CACNA2D1: variants seen among roughly 807,000 people sequenced by gnomAD.
The protein encoded by CACNA2D1 is calcium voltage-gated channel auxiliary subunit alpha2delta 1, also known as voltage-dependent calcium channel subunit alpha-2/delta-1.
Under a neutral mutation model 171.5 loss-of-function variants are expected in CACNA2D1, and 53 were observed. The observed-to-expected ratio is 0.31, with a 90% CI of 0.25 to 0.39. The LOEUF is 0.39. CACNA2D1 is among the 10% of genes least tolerant of loss of function. The pLI, the probability that CACNA2D1 is intolerant of heterozygous loss-of-function variation, is 1.00. For synonymous variants in CACNA2D1, 442 were observed against 443.1 expected (o/e 1.00, Z 0.03); for missense variants, 903 against 1,299.8 (o/e 0.69, Z 4.69).
At chr7:82,171,567 T>C (rs1796020253) in intron 3 of CACNA2D1, among the ~76,000 whole-genome samples, 1 of 152,102 alleles carries the variant, frequency 6.6e-6, no homozygotes, top group Non-Finnish European at 1.5e-5. Flanking sequence ...CATGGCTTAT[T>C]GGAAGGACTA....
intron 1 of CACNA2D1, among the ~76,000 whole-genome samples, chr7:82,363,220 G>A (rs1821276847): frequency 1.4e-5 from 2 of 143,332 alleles, no homozygotes; most frequent in African/African-American, 5.3e-5. Context: ...GTTATATATG[G>A]TCATCTGACT....
chr7:82,301,211 C>G (rs1259216448), intron 3 of CACNA2D1, among the ~76,000 whole-genome samples: 1 of 152,202 alleles, frequency 6.6e-6, no homozygotes, highest in Non-Finnish European at 1.5e-5. Context: ...ACCGCAAACT[C>G]TGCCTCCTGG....
intron 18 of CACNA2D1, among the ~76,000 whole-genome samples, chr7:82,004,637 G>A (rs1798944835): frequency 6.6e-6 from 1 of 152,020 alleles, no homozygotes; most frequent in Non-Finnish European, 1.5e-5. Flanking sequence ...GTAGTAGTAT[G>A]CATAAGTCTG....
intron 5 of CACNA2D1, among the ~76,000 whole-genome samples, chr7:82,119,999 T>C (rs1002410269): frequency 6.6e-6 from 1 of 152,026 alleles, no homozygotes; most frequent in Non-Finnish European, 1.5e-5. Flanking sequence ...CTGGACAACA[T>C]AGTGAGGCCC....
chr7:82,128,828 C>T (rs258693), intron 5 of CACNA2D1, among the ~76,000 whole-genome samples: 16,193 of 152,016 alleles, frequency 0.11, 1,104 homozygotes, highest in Middle Eastern at 0.24. Context: ...CTCCCCTGCC[C>T]CCACGTTCCC....
At position 82,133,810 on chromosome 7, in the gene CACNA2D1, C is replaced by G. The variant is rs138428075; in HGVS notation, c.396+2825G>C. On this transcript the variant is annotated intron_variant, in intron 5 of 38. Transcript: ENST00000356860. ...ATGCAGGGCCGGGCACGGTGGCTCA[C>G]GCCTGTAATCCCAGCACTTTGGGAG... Among the ~76,000 whole-genome samples the G allele has an allele frequency of 9.9e-3, 1,500 of 152,252 alleles. 17 individuals carry two copies. Among genetic ancestry groups the G allele is most frequent in the Non-Finnish European group, 0.012 (824 of 68,008 alleles).
At position 82,178,101 on chromosome 7, in the gene CACNA2D1, T is replaced by C. The variant is rs114324627; in HGVS notation, c.295-7492A>G. On this transcript the variant is annotated intron_variant, in intron 3 of 38. Coordinates refer to ENST00000356860, the MANE Select transcript of CACNA2D1 (RefSeq NM_000722.4). ...GTGTAATATATGCAAAACATATAAATAAAACTTGCTGAAATAAAGCCAGTC... is the reference window on the plus strand; with the variant it reads ...GTGTAATATATGCAAAACATATAAACAAAACTTGCTGAAATAAAGCCAGTC... 6.0e-3 allele frequency among the ~76,000 whole-genome samples: 906 copies of C among 152,254 alleles called. 11 individuals carry two copies. The highest frequency in any genetic ancestry group is 0.02 in the African/African-American group (839 of 41,570).
At chr7:82,245,658 T>A (rs73705895) in intron 3 of CACNA2D1, among the ~76,000 whole-genome samples, 6,895 of 59,888 alleles carry the variant, frequency 0.12, 506 homozygotes, top group African/African-American at 0.34. Context: ...TCTCTCTCTC[T>A]CTCTCACACA....
intron 12 of CACNA2D1, among the ~76,000 whole-genome samples, chr7:82,016,603 GCCGC>G (rs138770825): frequency 0.27 from 5,389 of 19,858 alleles, 261 homozygotes; most frequent in African/African-American, 0.46. Context: ...ATAAACACTA[GCCGC>G]CCGCCCCCCC....
chr7:82,359,046 T>C (rs1236179700), intron 1 of CACNA2D1, among the ~76,000 whole-genome samples: 1 of 152,130 alleles, frequency 6.6e-6, no homozygotes, highest in African/African-American at 2.4e-5. Context: ...AGGGTTTTGT[T>C]TTTTATCCTT....
chr7:81,977,758 A>G (rs6957645), intron 24 of CACNA2D1, among the ~76,000 whole-genome samples: 2,685 of 152,330 alleles, frequency 0.018, 86 homozygotes, highest in African/African-American at 0.062. Context: ...ATTAAACTAA[A>G]GAGTTTCTGC....
At chr7:82,349,528 A>G (rs1563409112) in intron 2 of CACNA2D1, 40 bp downstream of exon 2, 4 of 1,451,660 alleles carry the variant, frequency 2.8e-6, no homozygotes, top group Non-Finnish European at 3.9e-6. Flanking sequence ...ATTCGAATTA[A>G]TGAAAAGATT....
At chr7:82,286,084 T>A (rs981089339) in intron 3 of CACNA2D1, among the ~76,000 whole-genome samples, 2 of 152,186 alleles carry the variant, frequency 1.3e-5, no homozygotes, top group Admixed American at 6.5e-5. Flanking sequence ...CACCACTGTT[T>A]CGTACTTTTT....
intron 15 of CACNA2D1, among the ~76,000 whole-genome samples, chr7:82,011,660 T>C (rs1238120201): frequency 6.6e-6 from 1 of 152,160 alleles, no homozygotes; most frequent in Non-Finnish European, 1.5e-5. Flanking sequence ...TTTGTGATGA[T>C]TTCAGTATAA....
chr7:82,155,342 G>A (rs10232656), intron 4 of CACNA2D1, among the ~76,000 whole-genome samples: 60,578 of 151,854 alleles, frequency 0.4, 12,327 homozygotes, highest in Middle Eastern at 0.53. Context: ...ATTTGCAGAT[G>A]AGGAAACTGA....
At chr7:82,001,746 T>C in intron 18 of CACNA2D1, 2 of 951,084 alleles carry the variant, frequency 2.1e-6, no homozygotes, top group Non-Finnish European at 1.5e-6. Flanking sequence ...TAATTCATCA[T>C]AGTACATGTC....
intron 34 of CACNA2D1, 107 bp from the exon 35 acceptor site, chr7:81,962,602 G>A (rs1035613952): frequency 1.1e-5 from 8 of 721,666 alleles, no homozygotes; most frequent in Non-Finnish European, 1.7e-5. Flanking sequence ...GGGAAAGAAA[G>A]TCTTGGAGTG....
At chr7:82,176,660 G>A (rs897657931) in intron 3 of CACNA2D1, among the ~76,000 whole-genome samples, 3 of 151,434 alleles carry the variant, frequency 2.0e-5, no homozygotes, top group African/African-American at 7.3e-5. Flanking sequence ...GATAATTGTA[G>A]CAACTAGATA....
At chr7:82,211,302 T>C (rs1223026480) in intron 3 of CACNA2D1, among the ~76,000 whole-genome samples, 1 of 152,162 alleles carries the variant, frequency 6.6e-6, no homozygotes, top group African/African-American at 2.4e-5. Context: ...AATGATTTTG[T>C]CTACCAGGTA....
Sources: gnomAD v4.1 joint callset for allele counts (sites outside exome capture counted in the v4.1 genomes callset) on GRCh38, gnomAD v4.1.1 for gene constraint, MANE v1.5 for transcripts, NCBI Gene and HGNC (gene_info 2026-07-23, HGNC 2026-07-21) for gene names.